ADGRG7: variants seen among roughly 807,000 people sequenced by gnomAD.
The protein encoded by ADGRG7 is G-protein coupled receptor 128.
Under a neutral mutation model 88.6 loss-of-function variants are expected in ADGRG7, and 82 were observed. That is an observed-to-expected ratio of 0.93 (90% CI 0.77 to 1.11). The LOEUF is 1.11. ADGRG7 is among the 50% of genes most tolerant of loss of function. ADGRG7 has a pLI of 0.00. For missense variants in ADGRG7, 945 were observed against 953.4 expected (o/e 0.99, Z 0.12); for synonymous variants, 381 against 345.2 (o/e 1.10, Z -1.15).
chr3:100,675,041 C>T (rs953453047), intron 15 of ADGRG7, among the ~76,000 whole-genome samples: 9 of 151,896 alleles, frequency 5.9e-5, no homozygotes, highest in Non-Finnish European at 1.0e-4. Context: ...CATCTGCAAA[C>T]GAGGATAATT....
chr3:100,630,186 C>A (rs1707440722), intron 2 of ADGRG7, among the ~76,000 whole-genome samples: 1 of 152,042 alleles, frequency 6.6e-6, no homozygotes, highest in Non-Finnish European at 1.5e-5. Flanking sequence ...TGATTTCAAT[C>A]AATTGTGTCT....
In ADGRG7 at chr3:100,659,844, G is replaced by A. The variant is rs771501907; in HGVS notation, c.1979+1G>A. 1 of 1,613,058 alleles carries A rather than the reference G, an allele frequency of 6.2e-7. No individual in the cohort carries two copies. The highest frequency in any genetic ancestry group is 8.5e-7 in the Non-Finnish European group (1 of 1,179,504). On this transcript the variant is annotated splice_donor_variant, in intron 14 of 15. Coordinates refer to ENST00000273352, the MANE Select transcript of ADGRG7 (RefSeq NM_032787.3). LOFTEE classifies it high-confidence loss of function. ...GGAAGAATAACCAGAACCTGACAAG[G>A]TAAGATTCCCAATGAATGGGAAGCT... is the stretch of plus-strand genomic sequence containing the variant.
At position 100,673,024 on chromosome 3, in the gene ADGRG7, G is replaced by T. The variant is rs200136435; in HGVS notation, c.2136+3919G>T. Among the ~76,000 whole-genome samples, 16 of 151,834 alleles carry T rather than the reference G, an allele frequency of 1.1e-4. No individual in the cohort carries two copies. In the East Asian group the frequency reaches 1.5e-3, roughly 15 times the overall value. ...GATACTGGCCTGAAATTTTTTTTGT[G>T]TGTGTGTGTGTCTCTGCTAGGTTTT... is the stretch of plus-strand genomic sequence containing the variant. On this transcript the variant is annotated intron_variant, in intron 15 of 15. Coordinates refer to ENST00000273352, the MANE Select transcript of ADGRG7 (RefSeq NM_032787.3).
intron 15 of ADGRG7, among the ~76,000 whole-genome samples, chr3:100,671,246 A>C (rs972596417): frequency 6.6e-6 from 1 of 152,144 alleles, no homozygotes; most frequent in African/African-American, 2.4e-5. Context: ...CGCCATTCTA[A>C]TTGGTGTGAG....
intron 14 of ADGRG7, among the ~76,000 whole-genome samples, chr3:100,660,179 G>A (rs1040808704): frequency 6.6e-6 from 1 of 152,222 alleles, no homozygotes; most frequent in South Asian, 2.1e-4. Context: ...TTAAAGAAAT[G>A]AGAAGGTTGT....
chr3:100,636,259 T>C (rs1010673688), intron 5 of ADGRG7, among the ~76,000 whole-genome samples: 2 of 152,234 alleles, frequency 1.3e-5, no homozygotes, highest in African/African-American at 4.8e-5. Context: ...AGTCCTGGAA[T>C]GCATAAGTCT....
intron 6 of ADGRG7, among the ~76,000 whole-genome samples, chr3:100,640,020 T>A (rs2149022515): frequency 6.6e-6 from 1 of 152,370 alleles, no homozygotes; most frequent in South Asian, 2.1e-4. Context: ...TCTACCAACG[T>A]GATCTTTTGC....
chr3:100,611,132 T>C (rs1448873576), intron 1 of ADGRG7, among the ~76,000 whole-genome samples: 1 of 152,182 alleles, frequency 6.6e-6, no homozygotes, highest in Non-Finnish European at 1.5e-5. Flanking sequence ...GGTTGTAAAA[T>C]AGTTTCATTC....
At chr3:100,624,402 T>A (rs1576313945) in intron 1 of ADGRG7, among the ~76,000 whole-genome samples, 1 of 152,202 alleles carries the variant, frequency 6.6e-6, no homozygotes, top group African/African-American at 2.4e-5. Context: ...GTTTTTTTCT[T>A]GTAAATTTAA....
intron 15 of ADGRG7, among the ~76,000 whole-genome samples, chr3:100,688,920 C>G (rs561239648): frequency 6.6e-6 from 1 of 152,264 alleles, no homozygotes; most frequent in East Asian, 1.9e-4. Context: ...GCGTTCAATT[C>G]CTGGATAGCC....
chr3:100,630,274 G>A (rs980776821), intron 2 of ADGRG7, among the ~76,000 whole-genome samples: 7 of 152,134 alleles, frequency 4.6e-5, no homozygotes, highest in African/African-American at 1.7e-4. Context: ...TCTGCTTAGG[G>A]TTCAGAGCCC....
At chr3:100,626,309 T>C (rs750328516) in intron 1 of ADGRG7, among the ~76,000 whole-genome samples, 3 of 152,074 alleles carry the variant, frequency 2.0e-5, no homozygotes, top group African/African-American at 4.8e-5. Context: ...GTTGTTCTTC[T>C]TTTTGGCCTT....
In ADGRG7 at chr3:100,654,835, G is replaced by A. The variant is rs146175912; in HGVS notation, c.1380G>A (p.Arg460=). 766 of 1,531,964 alleles carry A rather than the reference G, an allele frequency of 5.0e-4. 2 individuals carry two copies. Among genetic ancestry groups the A allele is most frequent in the South Asian group, 1.8e-3 (147 of 79,694 alleles). The allele number at this position is 1,531,964 out of a possible 1,614,324, so 94.9% of individuals were successfully genotyped here. A position where few individuals can be genotyped will look rare whatever the true frequency, so the allele number is the denominator to read the frequency against. The part of the protein sequence containing the change: ...ALTVIFQIVT[R]KVRKTSVTWV... ...TTTATATTAATTTACTTATTTTCAG[G>A]AAAGTCAGAAAAACCTCAGTAACCT... Residue 460 remains arginine, a splice_region_variant and synonymous_variant, in exon 12 of 16, where the codon AGG becomes AGA. Coordinates refer to ENST00000273352, the MANE Select transcript of ADGRG7 (RefSeq NM_032787.3).
intron 15 of ADGRG7, among the ~76,000 whole-genome samples, chr3:100,691,792 ATT>A (rs1314915593): frequency 1.3e-5 from 2 of 151,502 alleles, no homozygotes; most frequent in African/African-American, 4.8e-5. Flanking sequence ...AAATAAAAAT[ATT>A]GTTTTGTAAA....
At chr3:100,640,417 A>G (rs1200263571) in intron 6 of ADGRG7, among the ~76,000 whole-genome samples, 2 of 152,192 alleles carry the variant, frequency 1.3e-5, no homozygotes. Flanking sequence ...ACAGAGAAGA[A>G]AGACTCTTTG....
At chr3:100,641,823 C>T (rs2149023641) in intron 6 of ADGRG7, among the ~76,000 whole-genome samples, 1 of 152,262 alleles carries the variant, frequency 6.6e-6, no homozygotes, top group East Asian at 1.9e-4. Context: ...TGTGGTTTTT[C>T]TCACAATGAT....
intron 9 of ADGRG7, chr3:100,646,344 A>G (rs2149026238): frequency 1.7e-6 from 1 of 604,540 alleles, no homozygotes; most frequent in Non-Finnish European, 2.8e-6. Flanking sequence ...TGATGTATCC[A>G]TTTGAATATC....
chr3:100,685,417 C>T (rs113513055), intron 15 of ADGRG7, among the ~76,000 whole-genome samples: 2 of 151,930 alleles, frequency 1.3e-5, no homozygotes, highest in Admixed American at 1.3e-4. Context: ...GGTACATGTG[C>T]ACAACGTGCA....
chr3:100,648,190 T>A (rs898468567), intron 10 of ADGRG7, among the ~76,000 whole-genome samples: 13 of 152,186 alleles, frequency 8.5e-5, no homozygotes, highest in Non-Finnish European at 1.5e-5. Context: ...TCTTTTCCCT[T>A]TCTTGAGGTT....
Sources: allele counts gnomAD v4.1 joint callset (sites outside exome capture counted in the v4.1 genomes callset), GRCh38; gene constraint gnomAD v4.1.1; transcripts MANE v1.5; gene names NCBI Gene and HGNC (gene_info 2026-07-23, HGNC 2026-07-21).